FRMD4A: variants seen among roughly 807,000 people sequenced by gnomAD.
FRMD4A encodes the protein FERM domain containing 4A, also known as FERM domain-containing protein 4A.
Under a neutral mutation model 129.1 loss-of-function variants are expected in FRMD4A, and 29 were observed. The observed-to-expected ratio is 0.22, with a 90% confidence interval of 0.17 to 0.31. FRMD4A has a LOEUF of 0.31. Among genes scored for constraint, FRMD4A ranks in the 10% least tolerant of loss-of-function variants. FRMD4A has a pLI of 1.00. For missense variants in FRMD4A, 1,272 were observed against 1,375.8 expected, an observed-to-expected ratio of 0.92 and a Z score of 1.19; for synonymous variants, 634 against 571.6, an observed-to-expected ratio of 1.11 and a Z score of -1.56.
intron 2 of FRMD4A, among the ~76,000 whole-genome samples, chr10:14,036,609 G>A (rs776342639): frequency 3.9e-5 from 6 of 152,176 alleles, no homozygotes; most frequent in Non-Finnish European, 7.3e-5. Context: ...GCACATGCTT[G>A]AGAGGGAGCA....
chr10:14,055,807 C>A (rs953291086), intron 2 of FRMD4A, among the ~76,000 whole-genome samples: 3 of 152,232 alleles, frequency 2.0e-5, no homozygotes, highest in African/African-American at 7.2e-5. Flanking sequence ...TCCAACCCCT[C>A]AAGCATTTAT....
chr10:14,320,415 C>T (rs1846931421), intron 2 of FRMD4A, among the ~76,000 whole-genome samples: 1 of 152,180 alleles, frequency 6.6e-6, no homozygotes, highest in Non-Finnish European at 1.5e-5. Context: ...TTAACATTTC[C>T]TCCTGAATTT....
At chr10:13,737,434 C>T (rs2090702082) in intron 12 of FRMD4A, among the ~76,000 whole-genome samples, 4 of 152,124 alleles carry the variant, frequency 2.6e-5, no homozygotes, top group Admixed American at 2.6e-4. Flanking sequence ...AGCTCTCCCA[C>T]CTCCCCTGAT....
intron 13 of FRMD4A, among the ~76,000 whole-genome samples, chr10:13,703,771 CTG>C (rs2087109327): frequency 6.6e-6 from 1 of 152,218 alleles, no homozygotes; most frequent in South Asian, 2.1e-4. Context: ...ATAGTAAACA[CTG>C]AGGCGGGTGG....
intron 5 of FRMD4A, among the ~76,000 whole-genome samples, chr10:13,784,990 CAAAAAAAA>C (rs35375065): frequency 8.1e-5 from 8 of 98,440 alleles, no homozygotes; most frequent in Non-Finnish European, 1.7e-4. Context: ...GACTCTATCT[CAAAAAAAA>C]AAAAAAAAAA....
chr10:13,683,543 G>A lies in FRMD4A; in HGVS notation c.1118-8499C>T, dbSNP rs147969535. 8.5e-5 allele frequency among the ~76,000 whole-genome samples: 13 copies of A among 152,154 alleles called. No individual in the cohort carries two copies. In the East Asian group the frequency reaches 2.0e-3, roughly 23 times the overall value. The stretch of plus-strand genomic sequence containing the variant: ...ATCCGGGAGTTTGAGAGTACACTGA[G>A]CTATGCTCACACCACTGCGCTCCAG... On this transcript the variant is annotated intron_variant, in intron 15 of 24. Coordinates refer to ENST00000357447, the MANE Select transcript of FRMD4A (RefSeq NM_018027.5).
At chr10:13,747,926 C>T in intron 8 of FRMD4A, 107 bp from the exon 9 acceptor site, 3 of 713,256 alleles carry the variant, frequency 4.2e-6, no homozygotes, top group Admixed American at 3.9e-5. Context: ...CATCTGCTTC[C>T]CTGTTAATAA....
intron 15 of FRMD4A, among the ~76,000 whole-genome samples, chr10:13,676,639 G>C (rs1319854381): frequency 6.6e-6 from 1 of 152,120 alleles, no homozygotes; most frequent in African/African-American, 2.4e-5. Flanking sequence ...GGTGTTAGAG[G>C]CTGTGCATTC....
chr10:13,769,367 G>C (rs945593845), intron 6 of FRMD4A, among the ~76,000 whole-genome samples: 2 of 152,010 alleles, frequency 1.3e-5, no homozygotes, highest in African/African-American at 4.8e-5. Flanking sequence ...GGAGTGCAGT[G>C]ACACCATCTC....
At chr10:13,929,874 C>T (rs2797888) in intron 2 of FRMD4A, among the ~76,000 whole-genome samples, 151,543 of 152,278 alleles carry the variant, frequency 1, 75,407 homozygotes, top group Middle Eastern at 1. Context: ...TCAGTTTGCT[C>T]ATCTATCAAA....
At chr10:14,148,588 C>A (rs991819106) in intron 2 of FRMD4A, among the ~76,000 whole-genome samples, 4 of 152,026 alleles carry the variant, frequency 2.6e-5, no homozygotes, top group Admixed American at 2.0e-4. Flanking sequence ...ATGGTGAAAC[C>A]CTGTTTCTAC....
intron 2 of FRMD4A, among the ~76,000 whole-genome samples, chr10:14,073,578 G>C (rs1016665269): frequency 3.3e-4 from 50 of 152,174 alleles, no homozygotes; most frequent in African/African-American, 1.2e-3. Context: ...GTCCATGATG[G>C]GAAAGATCTC....
At chr10:13,789,629 AT>A (rs200890521) in intron 5 of FRMD4A, among the ~76,000 whole-genome samples, 1 of 150,440 alleles carries the variant, frequency 6.6e-6, no homozygotes, top group Admixed American at 6.6e-5. Context: ...TTTTCCTTAT[AT>A]TTTTTTCTTG....
At chr10:13,754,211 G>A in intron 8 of FRMD4A, among the ~76,000 whole-genome samples, 1 of 151,484 alleles carries the variant, frequency 6.6e-6, no homozygotes, top group East Asian at 1.9e-4. Context: ...AACAAAAGAA[G>A]TAAGCTGTCA....
Position 14,121,631 on chromosome 10 carries a change from G to A in FRMD4A, c.45+208427C>T, listed in dbSNP as rs147812647. Among the ~76,000 whole-genome samples, 399 of 152,258 alleles carry A rather than the reference G, an allele frequency of 2.6e-3. 3 individuals carry two copies. The highest frequency in any genetic ancestry group is 9.2e-3 in the African/African-American group (381 of 41,544). The stretch of plus-strand genomic sequence containing the variant: ...TGGAGCAGGTCTCAGAATCCCAGAA[G>A]GCTGGTCTCAAACAGGTCGCTCCCT... On this transcript the variant is annotated intron_variant, in intron 2 of 24. Transcript: ENST00000357447.
chr10:14,242,259 G>A (rs1341419978), intron 2 of FRMD4A, among the ~76,000 whole-genome samples: 4 of 152,204 alleles, frequency 2.6e-5, no homozygotes, highest in Admixed American at 6.5e-5. Flanking sequence ...GTCCAAAGAT[G>A]AGGGCTTTCT....
intron 2 of FRMD4A, among the ~76,000 whole-genome samples, chr10:14,311,220 C>T (rs1384837802): frequency 6.6e-6 from 1 of 152,308 alleles, no homozygotes. Flanking sequence ...TTTCCACCTC[C>T]TCCTCCCCCA....
At chr10:13,888,991 T>C (rs2094661033) in intron 2 of FRMD4A, among the ~76,000 whole-genome samples, 1 of 152,228 alleles carries the variant, frequency 6.6e-6, no homozygotes, top group African/African-American at 2.4e-5. Flanking sequence ...TAAACGCAAG[T>C]CTTATGAGGG....
intron 5 of FRMD4A, among the ~76,000 whole-genome samples, chr10:13,788,184 C>T (rs1320203064): frequency 6.6e-6 from 1 of 152,174 alleles, no homozygotes; most frequent in Non-Finnish European, 1.5e-5. Context: ...GACCCCAAGA[C>T]TTCCACATGT....
Sources: gnomAD v4.1 joint callset for allele counts (sites outside exome capture counted in the v4.1 genomes callset) on GRCh38, gnomAD v4.1.1 for gene constraint, MANE v1.5 for transcripts, NCBI Gene and HGNC (gene_info 2026-07-23, HGNC 2026-07-21) for gene names.